The following MYRFL variants were observed in gnomAD, a reference collection of about 807,000 sequenced individuals.
The protein encoded by MYRFL is myelin regulatory factor like, also known as myelin regulatory factor-like protein.
MYRFL carries 88 observed loss-of-function variants against 109.4 expected under a neutral mutation model. The ratio of observed to expected loss-of-function variants is 0.80; its 90% CI spans 0.68 to 0.96. The LOEUF (loss-of-function observed/expected upper bound fraction) is 0.96, where lower values mean the gene tolerates loss of function less well. Among genes scored for constraint, MYRFL ranks in the 40% least tolerant of loss-of-function variants. The pLI is 0.00. For synonymous variants in MYRFL, 324 were observed against 320.9 expected (o/e 1.01, Z -0.10); for missense variants, 957 against 954.9 (o/e 1.00, Z -0.03).
chr12:69,866,110 A>G (rs937397880), intron 2 of MYRFL, among the ~76,000 whole-genome samples: 1 of 152,110 alleles, frequency 6.6e-6, no homozygotes, highest in Admixed American at 6.6e-5. Flanking sequence ...TTTCTTCCAC[A>G]TGAAGCTTTT....
intron 2 of MYRFL, among the ~76,000 whole-genome samples, chr12:69,873,810 G>A (rs2136329973): frequency 6.6e-6 from 1 of 151,416 alleles, no homozygotes; most frequent in East Asian, 2.0e-4. Flanking sequence ...GACTATATCT[G>A]TAGTTAAGTC....
At chr12:69,855,149 TC>T (rs1253732313) in intron 1 of MYRFL, 130 bp from the exon 2 acceptor site, 12 of 485,454 alleles carry the variant, frequency 2.5e-5, no homozygotes, top group East Asian at 6.0e-5. Context: ...TTGTGCCTCT[TC>T]CATGCTGTTG....
intron 5 of MYRFL, among the ~76,000 whole-genome samples, chr12:69,883,813 C>G (rs1886280692): frequency 6.6e-6 from 1 of 151,698 alleles, no homozygotes; most frequent in South Asian, 2.1e-4. Context: ...GAAGTTGAAG[C>G]TACAGTGAGC....
rs541570423 is a variant in MYRFL, at chr12:69,893,939, T to G, written c.980+99T>G. 3.5e-5 allele frequency: 11 copies of G among 317,630 alleles called. No homozygotes were observed. In the South Asian group the frequency reaches 1.1e-3, roughly 32 times the overall value. The allele number at this position is 317,630 out of a possible 1,614,324, so 19.7% of individuals were successfully genotyped here. A position where few individuals can be genotyped will look rare whatever the true frequency, so the allele number is the denominator to read the frequency against. ...TAATTTTATTTATTATCTAATATAT[T>G]TTGCTTATTTAAAATGAAACCTACC... is the stretch of plus-strand genomic sequence containing the variant. On this transcript the variant is annotated intron_variant, in intron 8 of 24. Coordinates refer to ENST00000552032, the MANE Select transcript of MYRFL (RefSeq NM_182530.3).
intron 22 of MYRFL, among the ~76,000 whole-genome samples, chr12:69,955,846 G>GA (rs747692000): frequency 0.052 from 5,108 of 97,792 alleles, 262 homozygotes; most frequent in African/African-American, 0.16. Context: ...CCAAAAGACA[G>GA]AAAAAAAAAA....
At chr12:69,918,797 CTT>C (rs994243119) in intron 13 of MYRFL, among the ~76,000 whole-genome samples, 4 of 152,082 alleles carry the variant, frequency 2.6e-5, no homozygotes, top group Non-Finnish European at 4.4e-5. Flanking sequence ...GTTAACTTGT[CTT>C]TTTCGGGACA....
At chr12:69,950,045 A>G (rs1955937685) in intron 19 of MYRFL, among the ~76,000 whole-genome samples, 2 of 152,170 alleles carry the variant, frequency 1.3e-5, no homozygotes, top group African/African-American at 4.8e-5. Context: ...GCAAAAATAT[A>G]TGTCCCACAG....
intron 2 of MYRFL, among the ~76,000 whole-genome samples, chr12:69,874,285 C>CT (rs1458131795): frequency 6.6e-6 from 1 of 152,208 alleles, no homozygotes; most frequent in Non-Finnish European, 1.5e-5. Flanking sequence ...TCAAGCGATC[C>CT]TTCAGCCTCA....
chr12:69,908,960 T>G (rs1268104074), intron 11 of MYRFL, among the ~76,000 whole-genome samples: 1 of 152,102 alleles, frequency 6.6e-6, no homozygotes, highest in African/African-American at 2.4e-5. Context: ...CTCCCTTCTA[T>G]GTGTCCAGGT....
chr12:69,898,589 G>A (rs2136343106), intron 10 of MYRFL, among the ~76,000 whole-genome samples: 1 of 152,290 alleles, frequency 6.6e-6, no homozygotes, highest in East Asian at 1.9e-4. Context: ...TGACAAATCT[G>A]ATTTAAAGTA....
chr12:69,878,488 A>T (rs951117584), intron 2 of MYRFL, among the ~76,000 whole-genome samples: 2 of 152,076 alleles, frequency 1.3e-5, no homozygotes, highest in Non-Finnish European at 2.9e-5. Flanking sequence ...TATTTAAAAA[A>T]TTTTATTGAT....
At chr12:69,939,057 G>A (rs1240064692) in intron 19 of MYRFL, among the ~76,000 whole-genome samples, 18 of 152,258 alleles carry the variant, frequency 1.2e-4, no homozygotes, top group African/African-American at 3.8e-4. Context: ...ATGGAGTCTC[G>A]CTGATTGCTA....
At chr12:69,881,377 G>A (rs1171941986) in intron 5 of MYRFL, among the ~76,000 whole-genome samples, 1 of 152,210 alleles carries the variant, frequency 6.6e-6, no homozygotes, top group Non-Finnish European at 1.5e-5. Context: ...CTTAGCAAGA[G>A]GTTGAAGACT....
intron 13 of MYRFL, among the ~76,000 whole-genome samples, chr12:69,921,300 C>T (rs1954903010): frequency 6.6e-6 from 1 of 152,088 alleles, no homozygotes; most frequent in African/African-American, 2.4e-5. Flanking sequence ...ACCCTGGCCT[C>T]CCAAAGTGCT....
chr12:69,887,014 T>C (rs2136336178), intron 6 of MYRFL, 44 bp downstream of exon 6: 4 of 1,529,542 alleles, frequency 2.6e-6, no homozygotes, highest in Admixed American at 3.9e-5. Flanking sequence ...AGAAAGACAG[T>C]GCTAAATCTC....
rs547676094 is a variant in MYRFL at position 69,866,657 on chromosome 12, A to C, written c.137+11287A>C. On this transcript the variant is annotated intron_variant, in intron 2 of 24. Transcript: ENST00000552032. Reference sequence around the variant, plus strand: ...TGTGTCTTCTAAAGATATCAGTGTCAACCCTTTATCTCAAAAACCTAAGAG... The same window carrying C: ...TGTGTCTTCTAAAGATATCAGTGTCCACCCTTTATCTCAAAAACCTAAGAG... Among the ~76,000 whole-genome samples, 33 of 152,300 alleles carry C rather than the reference A, an allele frequency of 2.2e-4. No individual in the cohort carries two copies. The South Asian group carries it at 6.8e-3, about 32-fold the overall frequency.
intron 1 of MYRFL, among the ~76,000 whole-genome samples, chr12:69,827,304 A>C (rs1882344766): frequency 6.6e-6 from 1 of 151,842 alleles, no homozygotes; most frequent in African/African-American, 2.4e-5. Context: ...ATTATCTTGA[A>C]TTAAATGGCC....
Position 69,903,821 on chromosome 12 carries a change from C to T in MYRFL, c.1360C>T (p.Arg454Trp), listed in dbSNP as rs1270978259. Residue 454 changes from arginine to tryptophan, a missense_variant, in exon 11 of 25, where the codon CGG becomes TGG. Physicochemically the swap from Arg to Trp is moderately radical, Grantham distance 101. Coordinates refer to ENST00000552032, the MANE Select transcript of MYRFL (RefSeq NM_182530.3). ...GACCATCATGCATCCCTCTGACAGC[C>T]GGGCAAAGCAGAATATCCAGGAGGT... is the stretch of plus-strand genomic sequence containing the variant. ...MGTIMHPSDS[R>W]AKQNIQEVDT... is the part of the protein sequence containing the mutation. 1.2e-5 allele frequency: 18 copies of T among 1,533,682 alleles called. No individual in the cohort carries two copies. The highest frequency in any genetic ancestry group is 4.9e-5 in the East Asian group (2 of 40,888).
intron 2 of MYRFL, among the ~76,000 whole-genome samples, chr12:69,868,872 GCA>G (rs997219267): frequency 3.3e-5 from 5 of 151,738 alleles, no homozygotes; most frequent in African/African-American, 9.7e-5. Flanking sequence ...ACACACACGC[GCA>G]CACACATGCA....
Sources: gnomAD v4.1 joint callset for allele counts (sites outside exome capture counted in the v4.1 genomes callset) on GRCh38, gnomAD v4.1.1 for gene constraint, MANE v1.5 for transcripts, NCBI Gene and HGNC (gene_info 2026-07-23, HGNC 2026-07-21) for gene names.